The following CA10 variants were observed in gnomAD, a reference collection of about 807,000 sequenced individuals.
CA10 encodes the protein carbonic anhydrase-related protein 10.
A neutral mutation model predicts 44.2 loss-of-function variants in CA10; 14 were observed. That is an observed-to-expected ratio of 0.32 (90% CI 0.21 to 0.50). CA10 has a LOEUF of 0.50. CA10 is among the 20% of genes least tolerant of loss of function. The pLI is 0.99. For synonymous variants in CA10, 159 were observed against 141.6 expected (o/e 1.12, Z -0.87); for missense variants, 350 against 409.7 (o/e 0.85, Z 1.26).
chr17:51,881,185 A>G (rs1192826317), intron 3 of CA10, among the ~76,000 whole-genome samples: 1 of 148,320 alleles, frequency 6.7e-6, no homozygotes, highest in African/African-American at 2.5e-5. Flanking sequence ...GCTTGAAATG[A>G]GCCGAGATCA....
chr17:51,833,989 G>A (rs1375886268), intron 3 of CA10, among the ~76,000 whole-genome samples: 1 of 152,214 alleles, frequency 6.6e-6, no homozygotes, highest in African/African-American at 2.4e-5. Flanking sequence ...TACGACCATG[G>A]AAAAGGATGC....
At chr17:51,841,465 A>G (rs1353182442) in intron 3 of CA10, among the ~76,000 whole-genome samples, 1 of 152,250 alleles carries the variant, frequency 6.6e-6, no homozygotes, top group Non-Finnish European at 1.5e-5. Context: ...TCTGGTGCAC[A>G]TCTGGCTCCT....
chr17:51,988,430 A>G (rs1458689023), intron 2 of CA10, among the ~76,000 whole-genome samples: 2 of 152,040 alleles, frequency 1.3e-5, no homozygotes, highest in Non-Finnish European at 2.9e-5. Flanking sequence ...GAGGTTAAAA[A>G]GTACATTTAA....
At chr17:51,638,459 A>G (rs61388037) in intron 6 of CA10, among the ~76,000 whole-genome samples, 79 of 152,366 alleles carry the variant, frequency 5.2e-4, no homozygotes, top group African/African-American at 1.9e-3. Flanking sequence ...CAGTGATTGG[A>G]ATATGGCCAG....
intron 3 of CA10, among the ~76,000 whole-genome samples, 191 bp downstream of exon 3, chr17:51,930,799 A>G (rs1366509323): frequency 6.6e-6 from 1 of 152,106 alleles, no homozygotes; most frequent in Admixed American, 6.6e-5. Flanking sequence ...CAGAAGCACA[A>G]AAGTTTGACT....
intron 3 of CA10, among the ~76,000 whole-genome samples, chr17:51,912,664 C>A (rs1025480328): frequency 8.5e-5 from 13 of 152,116 alleles, no homozygotes; most frequent in African/African-American, 3.1e-4. Flanking sequence ...TGCCTCAAAC[C>A]TTGCACTGTG....
intron 1 of CA10, among the ~76,000 whole-genome samples, chr17:52,132,145 T>C (rs1233306725): frequency 6.6e-6 from 1 of 151,998 alleles, no homozygotes; most frequent in East Asian, 1.9e-4. Flanking sequence ...GCACATTATG[T>C]ACATGTACCC....
At chr17:51,814,466 G>A (rs1012087252) in intron 3 of CA10, among the ~76,000 whole-genome samples, 2 of 152,172 alleles carry the variant, frequency 1.3e-5, no homozygotes, top group Non-Finnish European at 2.9e-5. Context: ...GAAATGCTAT[G>A]TTGCCTACTT....
intron 3 of CA10, among the ~76,000 whole-genome samples, chr17:51,827,691 T>C (rs1482272838): frequency 6.6e-6 from 1 of 152,204 alleles, no homozygotes; most frequent in Non-Finnish European, 1.5e-5. Flanking sequence ...TCTTTAGACA[T>C]AGAGTTAACA....
At position 51,827,343 on chromosome 17, in the gene CA10, CACACACACACAT is replaced by C. The variant is rs571773036; in HGVS notation, c.280-79537_280-79526del. Among the ~76,000 whole-genome samples the C allele has an allele frequency of 3.2e-4, 48 of 151,688 alleles. 1 individual carries two copies. Among genetic ancestry groups the C allele is most frequent in the Middle Eastern group, 6.8e-3 (2 of 294 alleles). Reference sequence around the variant, plus strand: ...TAGGAGAGAAACACGCACACACACACACACACACACATACACACACACATACACACACACACA... The same window carrying C: ...TAGGAGAGAAACACGCACACACACACACACACACACATACACACACACACA... On this transcript the variant is annotated intron_variant, in intron 3 of 8. Coordinates refer to ENST00000451037, the MANE Select transcript of CA10 (RefSeq NM_020178.5).
intron 7 of CA10, among the ~76,000 whole-genome samples, chr17:51,634,848 G>A (rs1912753596): frequency 6.6e-6 from 1 of 152,140 alleles, no homozygotes; most frequent in African/African-American, 2.4e-5. Context: ...AATGCATAAT[G>A]ACATCTTCCA....
intron 3 of CA10, among the ~76,000 whole-genome samples, chr17:51,907,148 A>G (rs1981590943): frequency 1.3e-5 from 2 of 152,234 alleles, no homozygotes; most frequent in South Asian, 4.1e-4. Context: ...ATTTTTCTGT[A>G]ACCTGAATTC....
chr17:51,880,255 C>T (rs1050123053), intron 3 of CA10, among the ~76,000 whole-genome samples: 2 of 152,142 alleles, frequency 1.3e-5, no homozygotes, highest in Non-Finnish European at 2.9e-5. Context: ...CCGTGTGGTA[C>T]TGAGTAGATT....
At position 51,631,709 on chromosome 17, in the gene CA10, G is replaced by A; in HGVS notation, c.965-103C>T. The A allele has an allele frequency of 6.0e-6, 6 of 1,006,154 alleles. No homozygotes were observed. In the East Asian group the frequency reaches 1.4e-4, roughly 24 times the overall value. The allele number at this position is 1,006,154 out of a possible 1,614,324, so 62.3% of individuals were successfully genotyped here. On this transcript the variant is annotated intron_variant, in intron 8 of 8. Transcript: ENST00000451037. ...TTTAGAGAATTCCTCCAGAGGGGAA[G>A]GGACTGTTTTGTAAATGCCTGCTTA...
intron 1 of CA10, among the ~76,000 whole-genome samples, chr17:52,081,575 C>T (rs529368799): frequency 2.6e-5 from 4 of 151,778 alleles, no homozygotes; most frequent in Admixed American, 6.6e-5. Flanking sequence ...CCGAGGCGGG[C>T]GGATCACGAG....
At chr17:51,870,714 C>A (rs1297050637) in intron 3 of CA10, among the ~76,000 whole-genome samples, 1 of 152,204 alleles carries the variant, frequency 6.6e-6, no homozygotes, top group African/African-American at 2.4e-5. Flanking sequence ...AGCATTGGCA[C>A]AGGGACTGAA....
chr17:51,827,301 T>C (rs1025468498), intron 3 of CA10, among the ~76,000 whole-genome samples: 1 of 151,952 alleles, frequency 6.6e-6, no homozygotes, highest in Admixed American at 6.6e-5. Context: ...TTTGCTTTTG[T>C]GCATACTATG....
chr17:51,963,366 G>A (rs1026391394), intron 2 of CA10, among the ~76,000 whole-genome samples: 21 of 152,066 alleles, frequency 1.4e-4, no homozygotes, highest in African/African-American at 4.1e-4. Context: ...TCAAGAAAAC[G>A]TCCCTAATCT....
chr17:52,104,632 C>T (rs1215079021), intron 1 of CA10, among the ~76,000 whole-genome samples: 2 of 152,168 alleles, frequency 1.3e-5, no homozygotes, highest in Non-Finnish European at 2.9e-5. Context: ...CCAACCTTAC[C>T]TCCTTCTCCT....
Sources: allele counts gnomAD v4.1 joint callset (sites outside exome capture counted in the v4.1 genomes callset), GRCh38; gene constraint gnomAD v4.1.1; transcripts MANE v1.5; gene names NCBI Gene and HGNC (gene_info 2026-07-23, HGNC 2026-07-21).